CAMK4: variants seen among roughly 807,000 people sequenced by gnomAD.
CAMK4 encodes the protein calcium/calmodulin-dependent protein kinase type IV.
In CAMK4, 22 loss-of-function variants were observed where a neutral mutation model predicts 44.9. That is an observed-to-expected ratio of 0.49 (90% CI 0.35 to 0.70). The LOEUF is 0.70. Among genes scored for constraint, CAMK4 ranks in the 30% least tolerant of loss-of-function variants. The probability of loss-of-function intolerance (pLI) is 0.01; values close to 1 mark genes in which losing one functional copy is unlikely to be tolerated. For missense variants in CAMK4, 498 were observed against 586.8 expected (o/e 0.85, Z 1.56); for synonymous variants, 218 against 215.4 (o/e 1.01, Z -0.11).
intron 4 of CAMK4, 52 bp from the exon 5 acceptor site, chr5:111,394,658 C>T (rs1258833698): frequency 1.7e-6 from 2 of 1,166,532 alleles, no homozygotes; most frequent in East Asian, 2.4e-5. Context: ...TTTTAATATC[C>T]ATTCTTCTGA....
chr5:111,481,550 A>T (rs751878023), intron 9 of CAMK4, among the ~76,000 whole-genome samples: 4 of 152,146 alleles, frequency 2.6e-5, no homozygotes, highest in Non-Finnish European at 4.4e-5. Context: ...TCCTTAGCCT[A>T]TGTTCACGTC....
In CAMK4 at chr5:111,228,509, GGTGTGT is replaced by G. The variant is rs373248608; in HGVS notation, c.161+3898_161+3903del. On this transcript the variant is annotated intron_variant, in intron 1 of 10. Coordinates refer to ENST00000282356, the MANE Select transcript of CAMK4 (RefSeq NM_001744.6). ...AACCAAATAGATTTCCATAGTAAGG[GGTGTGT>G]GTGTGTGTGTGTGTGTGTGTGTGTG... Among the ~76,000 whole-genome samples, 649 of 145,352 alleles carry G rather than the reference GGTGTGT, an allele frequency of 4.5e-3. 9 individuals are homozygous for G. The highest frequency in any genetic ancestry group is 0.014 in the African/African-American group (533 of 39,142).
chr5:111,443,562 A>C (rs1259676409), intron 5 of CAMK4, among the ~76,000 whole-genome samples: 1 of 151,296 alleles, frequency 6.6e-6, no homozygotes, highest in Non-Finnish European at 1.5e-5. Context: ...TCCTTTATCT[A>C]GTCTAGTTCT....
intron 7 of CAMK4, among the ~76,000 whole-genome samples, chr5:111,459,306 C>T (rs1275498736): frequency 6.6e-6 from 1 of 152,152 alleles, no homozygotes; most frequent in African/African-American, 2.4e-5. Context: ...AGATTTCTGG[C>T]TCAATATACA....
chr5:111,401,776 A>G (rs148235106), intron 5 of CAMK4, among the ~76,000 whole-genome samples: 34 of 152,276 alleles, frequency 2.2e-4, no homozygotes, highest in Admixed American at 1.1e-3. Context: ...GGAAACAGCT[A>G]CCCCTAGGAC....
At chr5:111,272,487 G>A (rs906877977) in intron 1 of CAMK4, among the ~76,000 whole-genome samples, 3 of 152,052 alleles carry the variant, frequency 2.0e-5, no homozygotes, top group Admixed American at 6.6e-5. Flanking sequence ...ATATTTTGGA[G>A]CTATAATCTT....
At chr5:111,329,134 T>G (rs948600287) in intron 1 of CAMK4, among the ~76,000 whole-genome samples, 5 of 152,028 alleles carry the variant, frequency 3.3e-5, no homozygotes, top group Admixed American at 2.6e-4. Context: ...AACCACATGA[T>G]TATTTCAGTA....
At position 111,275,138 on chromosome 5, in the gene CAMK4, A is replaced by T. The variant is rs540420383; in HGVS notation, c.161+50494A>T. ...CTTATCAGTTCTTTCTTGTGAGAAC[A>T]TTTAAAATCTACCTTCTTAGCAGTT... On this transcript the variant is annotated intron_variant, in intron 1 of 10. Coordinates refer to ENST00000282356, the MANE Select transcript of CAMK4 (RefSeq NM_001744.6). 3.9e-5 allele frequency among the ~76,000 whole-genome samples: 6 copies of T among 152,300 alleles called. No homozygotes were observed. In the East Asian group the frequency reaches 1.2e-3, roughly 29 times the overall value.
intron 5 of CAMK4, among the ~76,000 whole-genome samples, chr5:111,438,770 A>C (rs1306324723): frequency 6.6e-6 from 1 of 152,240 alleles, no homozygotes; most frequent in African/African-American, 2.4e-5. Flanking sequence ...TTGGGCATCT[A>C]CTGAGTGCCC....
At chr5:111,263,928 C>T (rs541255378) in intron 1 of CAMK4, among the ~76,000 whole-genome samples, 77 of 152,160 alleles carry the variant, frequency 5.1e-4, no homozygotes, top group Non-Finnish European at 7.6e-4. Context: ...AAAGCATTCT[C>T]ATAGAAAAAA....
At position 111,473,293 on chromosome 5, in the gene CAMK4, T is replaced by A. The variant is rs764347562; in HGVS notation, c.626-18T>A. On this transcript the variant is annotated intron_variant, in intron 7 of 10. Coordinates refer to ENST00000282356, the MANE Select transcript of CAMK4 (RefSeq NM_001744.6). Reference sequence around the variant, plus strand: ...TTGACTAAGCTCTAATTTAACACAATTTTCACTTTTTCTGCAGCACCTGAA... The same window carrying A: ...TTGACTAAGCTCTAATTTAACACAAATTTCACTTTTTCTGCAGCACCTGAA... The A allele has an allele frequency of 6.4e-7, 1 of 1,564,082 alleles. No individual in the cohort carries two copies. The highest frequency in any genetic ancestry group is 8.8e-7 in the Non-Finnish European group (1 of 1,135,454).
chr5:111,446,725 C>T lies in CAMK4; in HGVS notation c.499C>T (p.Pro167Ser). ...TGGGATTGTCCATCGTGATCTCAAACCAGAGAATCTTCTTTATGCAACTCC... is the reference window on the plus strand; with the variant it reads ...TGGGATTGTCCATCGTGATCTCAAATCAGAGAATCTTCTTTATGCAACTCC... ...ENGIVHRDLK[P>S]ENLLYATPAP... Residue 167 changes from proline to serine, a missense_variant, in exon 6 of 11, where the codon CCA (proline) becomes TCA (serine). Around this residue, in one of 3 missense-constraint regions of CAMK4, gnomAD observed 203 missense variants for 298.2 expected, o/e 0.68. Transcript: ENST00000282356. 6.2e-7 allele frequency: 1 copy of T among 1,606,434 alleles called. No homozygotes were observed. Among genetic ancestry groups the T allele is most frequent in the Non-Finnish European group, 8.5e-7 (1 of 1,174,236 alleles).
At chr5:111,345,086 TA>T (rs145259847) in intron 2 of CAMK4, among the ~76,000 whole-genome samples, 15,987 of 151,900 alleles carry the variant, frequency 0.11, 1,384 homozygotes, top group African/African-American at 0.23. Context: ...CAAGGCAGCT[TA>T]AAATTACCAG....
intron 5 of CAMK4, among the ~76,000 whole-genome samples, chr5:111,445,037 G>C (rs1445475949): frequency 6.6e-6 from 1 of 152,192 alleles, no homozygotes; most frequent in Non-Finnish European, 1.5e-5. Flanking sequence ...TGATTTTGAA[G>C]TGTGTATTAA....
At chr5:111,422,523 C>CT (rs1273451998) in intron 5 of CAMK4, among the ~76,000 whole-genome samples, 1 of 152,160 alleles carries the variant, frequency 6.6e-6, no homozygotes, top group Non-Finnish European at 1.5e-5. Context: ...AGTTCTGAGT[C>CT]TTTTAAGTCT....
chr5:111,341,082 A>G (rs886090970), intron 1 of CAMK4, among the ~76,000 whole-genome samples: 3 of 150,922 alleles, frequency 2.0e-5, no homozygotes, highest in African/African-American at 7.3e-5. Context: ...GCCTATTTTT[A>G]ATGTGTTATT....
intron 9 of CAMK4, among the ~76,000 whole-genome samples, chr5:111,479,975 A>T (rs1755375844): frequency 6.6e-6 from 1 of 152,024 alleles, no homozygotes; most frequent in East Asian, 1.9e-4. Context: ...TGGTCTTATA[A>T]ATAAATCGCA....
chr5:111,426,940 A>G (rs1015729018), intron 5 of CAMK4, among the ~76,000 whole-genome samples: 2 of 152,088 alleles, frequency 1.3e-5, no homozygotes, highest in Non-Finnish European at 2.9e-5. Flanking sequence ...AAGGACTGCA[A>G]CTCTTACAAG....
intron 5 of CAMK4, among the ~76,000 whole-genome samples, chr5:111,427,938 A>G (rs1330778220): frequency 6.6e-6 from 1 of 152,252 alleles, no homozygotes; most frequent in Non-Finnish European, 1.5e-5. Flanking sequence ...GGCAAGACCC[A>G]GCGCTGTGCT....
Sources: allele counts gnomAD v4.1 joint callset (sites outside exome capture counted in the v4.1 genomes callset), GRCh38; gene constraint gnomAD v4.1.1; regional missense constraint gnomAD v4.1.1; transcripts MANE v1.5; gene names NCBI Gene and HGNC (gene_info 2026-07-23, HGNC 2026-07-21).